The following MXRA8 variants were observed in gnomAD, a reference collection of about 807,000 sequenced individuals.
The protein encoded by MXRA8 is matrix remodeling associated 8, also known as matrix remodeling-associated protein 8.
MXRA8 carries 44 observed loss-of-function variants against 51.4 expected under a neutral mutation model. That is an observed-to-expected ratio of 0.86 (90% CI 0.67 to 1.10). MXRA8 has a LOEUF of 1.10. Ranked by LOEUF, MXRA8 falls within the 50% of genes least tolerant of loss-of-function variation. The pLI, the probability that MXRA8 is intolerant of heterozygous loss-of-function variation, is 0.00. For synonymous variants in MXRA8, 369 were observed against 293.5 expected, an observed-to-expected ratio of 1.26 and a Z score of -2.63; for missense variants, 765 against 638.9, an observed-to-expected ratio of 1.20 and a Z score of -2.13.
In MXRA8 at chr1:1,353,406, G is replaced by C; in HGVS notation, c.*198C>G. On this transcript the variant is annotated 3_prime_UTR_variant, in exon 10 of 10. Transcript: ENST00000309212. ...GCAGGGCCACCCGTGAGCAAAGGCC[G>C]CAGGGGTGGGGGCTATGCTGCCACC... 1 of 1,533,454 alleles carries C rather than the reference G, an allele frequency of 6.5e-7. No individual in the cohort carries two copies. The highest frequency in any genetic ancestry group is 1.2e-5 in the South Asian group (1 of 82,754). 95.0% of individuals were successfully genotyped at this position (1,533,454 alleles called of 1,614,324 possible). A position where few individuals can be genotyped will look rare whatever the true frequency, so the allele number is the denominator to read the frequency against.
upstream of MXRA8, among the ~76,000 whole-genome samples, chr1:1,363,167 G>A (rs546719669): frequency 4.6e-5 from 7 of 152,030 alleles, no homozygotes; most frequent in East Asian, 9.7e-4. Flanking sequence ...CCTGTAGTCC[G>A]AGCTACTCCA....
At chr1:1,356,794 TC>T in intron 1 of MXRA8, 90 bp from the exon 2 acceptor site, 1 of 1,182,804 alleles carries the variant, frequency 8.5e-7, no homozygotes, top group Non-Finnish European at 1.1e-6. Context: ...CCTCCTGTAG[TC>T]CCAAAGTGGA....
intron 2 of MXRA8, 104 bp downstream of exon 2, chr1:1,356,577 A>G: frequency 1.7e-6 from 1 of 582,942 alleles, no homozygotes; most frequent in East Asian, 4.7e-5. Context: ...AGGGGGAATC[A>G]GTGGGGGAGG....
intron 2 of MXRA8, among the ~76,000 whole-genome samples, 164 bp from the exon 3 acceptor site, chr1:1,355,916 C>T (rs1300851638): frequency 9.6e-6 from 1 of 104,186 alleles, no homozygotes; most frequent in Non-Finnish European, 1.9e-5. Flanking sequence ...TGGGGTGGGG[C>T]AGACCCCCGA....
intron 5 of MXRA8, 61 bp downstream of exon 5, chr1:1,354,621 C>G: frequency 6.5e-7 from 1 of 1,541,060 alleles, no homozygotes; most frequent in South Asian, 1.2e-5. Context: ...ACAGCGGGCG[C>G]AGAGCAACCC....
At chr1:1,361,070 G>A (rs190287189), upstream of MXRA8, among the ~76,000 whole-genome samples, 3 of 151,538 alleles carry the variant, frequency 2.0e-5, no homozygotes, top group South Asian at 2.1e-4. Context: ...ATGGAAACAC[G>A]AACACAGACA....
intron 4 of MXRA8, 21 bp from the exon 5 acceptor site, chr1:1,355,173 G>C: frequency 7.2e-7 from 1 of 1,391,408 alleles, no homozygotes; most frequent in Non-Finnish European, 9.3e-7. Context: ...GGCGCGGTCA[G>C]CGGCGCGCGG....
Position 1,355,024 on chromosome 1 carries a change from G to C in MXRA8, c.607C>G (p.Gln203Glu). 1 of 1,607,698 alleles carries C rather than the reference G, an allele frequency of 6.2e-7. No homozygotes were observed. Among genetic ancestry groups the C allele is most frequent in the Non-Finnish European group, 8.5e-7 (1 of 1,178,194 alleles). The part of the protein sequence containing the change: ...WTDRHVEEAQ[Q>E]VVHWDRQPPG... The stretch of plus-strand genomic sequence containing the variant: ...GGCTGCCGGTCCCAGTGCACCACCT[G>C]TTGAGCCTCCTCCACGTGCCGGTCG... Residue 203 changes from glutamine (Q) to glutamate (E), a missense_variant, in exon 5 of 10, where the codon CAG becomes GAG. By Grantham distance (29) the Gln-to-Glu change is conservative. Coordinates refer to ENST00000309212, the MANE Select transcript of MXRA8 (RefSeq NM_032348.4).
At position 1,353,495 on chromosome 1, in the gene MXRA8, C is replaced by T. The variant is rs1472081370; in HGVS notation, c.*109G>A. ...ACGCCCAGGCCAAATTCCAGGAAAG[C>T]GGGACCAGCCGCTGGAAGGGGGGTG... On this transcript the variant is annotated 3_prime_UTR_variant, in exon 10 of 10. Coordinates refer to ENST00000309212, the MANE Select transcript of MXRA8 (RefSeq NM_032348.4). 1.2e-5 allele frequency: 18 copies of T among 1,504,264 alleles called. No individual in the cohort carries two copies. The highest frequency in any genetic ancestry group is 1.4e-5 in the African/African-American group (1 of 71,196). 93.2% of individuals were successfully genotyped at this position (1,504,264 alleles called of 1,614,324 possible). A position where few individuals can be genotyped will look rare whatever the true frequency, so the allele number is the denominator to read the frequency against.
In MXRA8 at chr1:1,358,405, G is replaced by A. The variant is rs369987704; in HGVS notation, c.49+51C>T. The A allele has an allele frequency of 7.7e-6, 12 of 1,558,654 alleles. No individual in the cohort carries two copies. In the African/African-American group the frequency reaches 9.5e-5, roughly 12 times the overall value. On this transcript the variant is annotated intron_variant, in intron 1 of 9. Transcript: ENST00000309212. ...GGGCGGTTTTGTCCGAAACGGACTC[G>A]CACAGCCCCACGTGCCACCCCCCAC...
At chr1:1,353,741 G>T (rs1644052674) in intron 9 of MXRA8, 107 bp downstream of exon 9, 2 of 1,468,338 alleles carry the variant, frequency 1.4e-6, no homozygotes, top group East Asian at 4.8e-5. Context: ...AGCCTGAGGT[G>T]GCAGGGGCCC....
chr1:1,353,422 T>C lies in MXRA8; in HGVS notation c.*182A>G. 1 of 1,518,322 alleles carries C rather than the reference T, an allele frequency of 6.6e-7. No individual in the cohort carries two copies. The highest frequency in any genetic ancestry group is 2.5e-5 in the East Asian group (1 of 40,406). The allele number at this position is 1,518,322 out of a possible 1,614,324, so 94.1% of individuals were successfully genotyped here. On this transcript the variant is annotated 3_prime_UTR_variant, in exon 10 of 10. Transcript: ENST00000309212. The stretch of plus-strand genomic sequence containing the variant: ...GCAAAGGCCGCAGGGGTGGGGGCTA[T>C]GCTGCCACCAAGCCCCTGGGAGAGG...
Position 1,354,495 on chromosome 1 carries a change from G to A in MXRA8, c.964C>T (p.Arg322Cys), listed in dbSNP as rs375689078. 7.6e-5 allele frequency: 122 copies of A among 1,612,090 alleles called. 1 individual carries two copies. The highest frequency in any genetic ancestry group is 1.0e-4 in the Non-Finnish European group (119 of 1,179,784). ...ATGACATTGATGACGTTGTGGCCGC[G>A]CGCCAGTGTGGGGTCTGCGGGGAAC... ...GAPGPDPTLARGHNVINVIVP... is the reference protein window; with the variant it reads ...GAPGPDPTLACGHNVINVIVP... Residue 322 changes from arginine (R) to cysteine (C), a missense_variant, in exon 6 of 10, where the codon CGC becomes TGC. Transcript: ENST00000309212.
intron 1 of MXRA8, among the ~76,000 whole-genome samples, chr1:1,358,085 C>G (rs151283687): frequency 5.3e-5 from 8 of 152,302 alleles, no homozygotes; most frequent in African/African-American, 1.9e-4. Flanking sequence ...CAGCCCAGGC[C>G]TGGGAGCGGG....
Position 1,354,934 on chromosome 1 carries a change from CG to C in MXRA8, c.696del (p.Ala233ProfsTer57). Reference sequence around the variant, plus strand: ...TCGCGCAGAAAAAGGGGCCCGTAGGCGCGGCGCTCGCCCGACGCGTAGAGGT... The same window carrying C: ...TCGCGCAGAAAAAGGGGCCCGTAGGCCGGCGCTCGCCCGACGCGTAGAGGT... ...LLDLYASGER[R>X]AYGPLFLRDR... On this transcript the variant is annotated frameshift_variant, in exon 5 of 10. Transcript: ENST00000309212. LOFTEE classifies it high-confidence loss of function. The C allele has an allele frequency of 6.2e-7, 1 of 1,603,618 alleles. No homozygotes were observed. The highest frequency in any genetic ancestry group is 8.5e-7 in the Non-Finnish European group (1 of 1,176,014).
At position 1,354,511 on chromosome 1, in the gene MXRA8, T is replaced by C. The variant is rs753751264; in HGVS notation, c.950-2A>G. The C allele has an allele frequency of 6.2e-7, 1 of 1,610,736 alleles. No individual in the cohort carries two copies. Among genetic ancestry groups the C allele is most frequent in the Admixed American group, 1.7e-5 (1 of 59,916 alleles). On this transcript the variant is annotated splice_acceptor_variant, in intron 5 of 9. Coordinates refer to ENST00000309212, the MANE Select transcript of MXRA8 (RefSeq NM_032348.4). LOFTEE classifies it high-confidence loss of function. ...TGTGGCCGCGCGCCAGTGTGGGGTC[T>C]GCGGGGAACGCGGGGTCGGGGCGGC...
Position 1,355,765 on chromosome 1 carries a change from G to A in MXRA8, c.74-13C>T. 1 of 1,274,940 alleles carries A rather than the reference G, an allele frequency of 7.8e-7. No homozygotes were observed. Among genetic ancestry groups the A allele is most frequent in the Non-Finnish European group, 9.8e-7 (1 of 1,015,972 alleles). The allele number at this position is 1,274,940 out of a possible 1,614,324, so 79.0% of individuals were successfully genotyped here. The stretch of plus-strand genomic sequence containing the variant: ...GGTACCGAGGACCCTGGTGGGGGAG[G>A]GGAGTCGGTGGGGGAAGGGGTGGGC... On this transcript the variant is annotated splice_polypyrimidine_tract_variant and intron_variant, in intron 2 of 9. Coordinates refer to ENST00000309212, the MANE Select transcript of MXRA8 (RefSeq NM_032348.4).
intron 2 of MXRA8, among the ~76,000 whole-genome samples, chr1:1,356,021 G>T (rs1485838921): frequency 9.1e-6 from 1 of 109,650 alleles, no homozygotes; most frequent in Non-Finnish European, 2.0e-5. Context: ...GGCGGGCTCT[G>T]AGGACCCTGG....
At position 1,354,186 on chromosome 1, in the gene MXRA8, C is replaced by A; in HGVS notation, c.1145+7G>T. On this transcript the variant is annotated splice_region_variant and intron_variant, in intron 7 of 9. Transcript: ENST00000309212. ...GTCCCCAGGAGGGCCGGGAGGGGGG[C>A]ACTCACCCCTTTGACTTTCCCGACT... 1 of 1,612,704 alleles carries A rather than the reference C, an allele frequency of 6.2e-7. No homozygotes were observed. The highest frequency in any genetic ancestry group is 8.5e-7 in the Non-Finnish European group (1 of 1,179,974).
Sources: allele counts gnomAD v4.1 joint callset (sites outside exome capture counted in the v4.1 genomes callset), GRCh38; gene constraint gnomAD v4.1.1; transcripts MANE v1.5; gene names NCBI Gene and HGNC (gene_info 2026-07-23, HGNC 2026-07-21).